Variants in PODXL2 observed in about 807,000 individuals in gnomAD.
PODXL2 encodes podocalyxin-like protein 2.
A neutral mutation model predicts 53.4 loss-of-function variants in PODXL2; 17 were observed. The ratio of observed to expected loss-of-function variants is 0.32; its 90% CI spans 0.22 to 0.48. PODXL2 has a LOEUF of 0.48. PODXL2 is among the 20% of genes least tolerant of loss of function. PODXL2 has a pLI of 0.99. For missense variants in PODXL2, 673 were observed against 760.0 expected, an observed-to-expected ratio of 0.89 and a Z score of 1.35; for synonymous variants, 311 against 306.7, an observed-to-expected ratio of 1.01 and a Z score of -0.15.
At chr3:127,662,844 C>G (rs1006128904) in intron 4 of PODXL2, among the ~76,000 whole-genome samples, 3 of 152,198 alleles carry the variant, frequency 2.0e-5, no homozygotes, top group African/African-American at 7.2e-5. Context: ...GGTCCTTCCT[C>G]CTGAGGTGAT....
At chr3:127,665,962 G>A (rs1312523552) in intron 4 of PODXL2, 1 of 467,006 alleles carries the variant, frequency 2.1e-6, no homozygotes, top group South Asian at 1.6e-5. Flanking sequence ...GTGTGCTCAT[G>A]GCTACTGGGG....
chr3:127,660,104 T>C (rs1043063345), intron 2 of PODXL2, among the ~76,000 whole-genome samples: 4 of 152,180 alleles, frequency 2.6e-5, no homozygotes, highest in Non-Finnish European at 4.4e-5. Context: ...TACTCATGGC[T>C]CTTTTGGAGG....
intron 1 of PODXL2, among the ~76,000 whole-genome samples, chr3:127,632,762 G>C (rs2074554816): frequency 6.6e-6 from 1 of 152,232 alleles, no homozygotes; most frequent in Non-Finnish European, 1.5e-5. Context: ...TGAGGGCAAA[G>C]CCTGTCTCTT....
intron 2 of PODXL2, among the ~76,000 whole-genome samples, chr3:127,641,267 A>G (rs1321689072): frequency 6.6e-6 from 1 of 152,144 alleles, no homozygotes; most frequent in African/African-American, 2.4e-5. Context: ...TCCATTGTTC[A>G]GGTGTGATCA....
At chr3:127,645,159 A>G (rs1187447595) in intron 2 of PODXL2, among the ~76,000 whole-genome samples, 1 of 152,214 alleles carries the variant, frequency 6.6e-6, no homozygotes, top group Non-Finnish European at 1.5e-5. Flanking sequence ...TCCTTGCTCC[A>G]GCATGCATCT....
At chr3:127,656,370 G>A (rs375843827) in intron 2 of PODXL2, among the ~76,000 whole-genome samples, 1 of 152,124 alleles carries the variant, frequency 6.6e-6, no homozygotes, top group Non-Finnish European at 1.5e-5. Flanking sequence ...CAGGAGGATC[G>A]CTTGAGCCCA....
At chr3:127,633,472 T>TTGTG (rs60042269) in intron 1 of PODXL2, among the ~76,000 whole-genome samples, 52 of 140,906 alleles carry the variant, frequency 3.7e-4, no homozygotes, top group East Asian at 6.3e-4. Flanking sequence ...ATTACAAATT[T>TTGTG]TGTGTGTGTG....
chr3:127,649,322 C>T (rs1276652442), intron 2 of PODXL2, among the ~76,000 whole-genome samples: 1 of 152,210 alleles, frequency 6.6e-6, no homozygotes, highest in Non-Finnish European at 1.5e-5. Flanking sequence ...TGCTGGACCC[C>T]AGTCTTCTGC....
chr3:127,669,862 C>T (rs2074820942), intron 6 of PODXL2, among the ~76,000 whole-genome samples: 3 of 152,218 alleles, frequency 2.0e-5, no homozygotes, highest in Admixed American at 6.5e-5. Context: ...CTGCTCCTCA[C>T]ACCACCTTGC....
Position 127,662,234 on chromosome 3 carries a change from C to T in PODXL2, c.1132-3C>T, listed in dbSNP as rs1477950431. The T allele has an allele frequency of 2.5e-6, 4 of 1,612,652 alleles. No individual in the cohort carries two copies. The East Asian group carries it at 6.7e-5, about 27-fold the overall frequency. On this transcript the variant is annotated splice_region_variant and splice_polypyrimidine_tract_variant and intron_variant, in intron 3 of 7. Coordinates refer to ENST00000342480, the MANE Select transcript of PODXL2 (RefSeq NM_015720.4). ...TCGCCCTTCTTTCTGTCTCCTCGCA[C>T]AGGTGATCTGCAAGGACTGGAGCAA...
intron 4 of PODXL2, among the ~76,000 whole-genome samples, chr3:127,665,298 A>T (rs1331191907): frequency 6.6e-6 from 1 of 152,266 alleles, no homozygotes; most frequent in Non-Finnish European, 1.5e-5. Flanking sequence ...AAATGTGCAT[A>T]AAAACTGATG....
intron 2 of PODXL2, among the ~76,000 whole-genome samples, chr3:127,646,376 T>A (rs2074657072): frequency 6.6e-6 from 1 of 151,906 alleles, no homozygotes; most frequent in South Asian, 2.1e-4. Flanking sequence ...CTTATCACCA[T>A]TTTTCCATAG....
intron 1 of PODXL2, among the ~76,000 whole-genome samples, chr3:127,635,142 G>A (rs60534422): frequency 0.095 from 14,422 of 152,256 alleles, 834 homozygotes; most frequent in Non-Finnish European, 0.12. Flanking sequence ...AGATCCCGGT[G>A]TTGTTATTTC....
chr3:127,639,547 A>G, intron 2 of PODXL2, 24 bp downstream of exon 2: 1 of 1,586,330 alleles, frequency 6.3e-7, no homozygotes, highest in Admixed American at 1.8e-5. Context: ...CCTACAGAGC[A>G]TGTGTTGAGT....
chr3:127,661,705 G>T (rs1213639932), intron 3 of PODXL2, among the ~76,000 whole-genome samples: 1 of 152,060 alleles, frequency 6.6e-6, no homozygotes, highest in East Asian at 1.9e-4. Context: ...CTGAAGTGCT[G>T]GGATTACAGG....
rs114052720 is a variant in PODXL2, at chr3:127,660,703, C to G, written c.675C>G (p.Ser225=). The part of the protein sequence containing the change: ...PGATKSRHED[S]GDQASSGVEV... ...CCACCAAAAGCAGGCATGAAGACTCCGGGGACCAGGCCTCATCAGGTGTGG... is the reference window on the plus strand; with the variant it reads ...CCACCAAAAGCAGGCATGAAGACTCGGGGGACCAGGCCTCATCAGGTGTGG... Residue 225 remains serine (S), a synonymous_variant, in exon 3 of 8, where the codon TCC becomes TCG. Transcript: ENST00000342480. 1 of 1,614,182 alleles carries G rather than the reference C, an allele frequency of 6.2e-7. No individual in the cohort carries two copies. Among genetic ancestry groups the G allele is most frequent in the East Asian group, 2.2e-5 (1 of 44,872 alleles).
chr3:127,670,447 C>T (rs1559880151), intron 6 of PODXL2, among the ~76,000 whole-genome samples: 2 of 152,224 alleles, frequency 1.3e-5, no homozygotes, highest in Admixed American at 1.3e-4. Flanking sequence ...TTTATACAGT[C>T]CTCCCCCTGC....
At position 127,660,410 on chromosome 3, in the gene PODXL2, G is replaced by A. The variant is rs1315023808; in HGVS notation, c.382G>A (p.Gly128Ser). ...YVFPDLTEKAGSIEDTSQAQE... is the reference protein window; with the variant it reads ...YVFPDLTEKASSIEDTSQAQE... ...TTTTCCTGACTTAACTGAGAAGGCA[G>A]GTTCCATTGAAGACACCAGCCAGGC... is the stretch of plus-strand genomic sequence containing the variant. The change falls in exon 3 of 8, where the codon GGT becomes AGT. Residue 128 changes from glycine to serine, a missense_variant. This residue lies in a region of PODXL2 where 588 missense variants were observed against 668.3 expected (regional missense o/e 0.88). Coordinates refer to ENST00000342480, the MANE Select transcript of PODXL2 (RefSeq NM_015720.4). The A allele has an allele frequency of 2.5e-6, 4 of 1,612,774 alleles. No individual in the cohort carries two copies. The highest frequency in any genetic ancestry group is 2.2e-5 in the East Asian group (1 of 44,826).
chr3:127,648,557 A>C (rs2074669203), intron 2 of PODXL2, among the ~76,000 whole-genome samples: 1 of 152,184 alleles, frequency 6.6e-6, no homozygotes, highest in African/African-American at 2.4e-5. Flanking sequence ...GAAGAAAATA[A>C]AAATCACCTA....
Sources: gnomAD v4.1 joint callset for allele counts (sites outside exome capture counted in the v4.1 genomes callset) on GRCh38, gnomAD v4.1.1 for gene constraint, gnomAD v4.1.1 regional missense constraint, MANE v1.5 for transcripts, NCBI Gene and HGNC (gene_info 2026-07-23, HGNC 2026-07-21) for gene names.